The following NRK variants were observed in gnomAD, a reference collection of about 807,000 sequenced individuals.
NRK encodes nik-related protein kinase.
In NRK, 67 loss-of-function variants were observed where a neutral mutation model predicts 125.2. The ratio of observed to expected loss-of-function variants is 0.54; its 90% CI spans 0.44 to 0.66. The LOEUF is 0.66. Among genes scored for constraint, NRK ranks in the 30% least tolerant of loss-of-function variants. The pLI is 0.00. For missense variants in NRK, 1,224 were observed against 1,192.9 expected (o/e 1.03, Z -0.38); for synonymous variants, 458 against 429.0 (o/e 1.07, Z -0.84).
Position 105,958,293 on chromosome X carries a change from C to G in NRK, c.*2693C>G, listed in dbSNP as rs893662264. 2 of 111,847 alleles carry G rather than the reference C, an allele frequency of 1.8e-5. No individual in the cohort carries two copies. The highest frequency in any genetic ancestry group is 1.9e-4 in the Admixed American group (2 of 10,567). The allele number at this position is 111,847 out of a possible 1,213,427, so 9.2% of individuals were successfully genotyped here. On this transcript the variant is annotated 3_prime_UTR_variant, in exon 29 of 29. Coordinates refer to ENST00000243300, the MANE Select transcript of NRK (RefSeq NM_198465.4). ...TAGTAAAACAGGCAAAGCAGAATCA[C>G]ATGTGCACACACACATACACATGTA...
intron 16 of NRK, among the ~76,000 whole-genome samples, chrX:105,920,550 T>A (rs2040428079): frequency 9.1e-6 from 1 of 109,397 alleles, no homozygotes; most frequent in Non-Finnish European, 1.9e-5. Context: ...TCCATTTGTT[T>A]GTATCCTCTT....
At chrX:105,953,702 A>G (rs980316880) in intron 28 of NRK, among the ~76,000 whole-genome samples, 2 of 112,096 alleles carry the variant, frequency 1.8e-5, no homozygotes, top group Non-Finnish European at 3.8e-5. Context: ...AATAAAAATA[A>G]AATCAAGATC....
chrX:105,939,746 GT>G (rs757615204), intron 22 of NRK, 127 bp from the exon 23 acceptor site: 330 of 418,428 alleles, frequency 7.9e-4, no homozygotes, highest in Non-Finnish European at 1.1e-3. Flanking sequence ...ATGCAATGCA[GT>G]TTTTTTTAAG....
intron 23 of NRK, among the ~76,000 whole-genome samples, chrX:105,940,588 C>G (rs913989196): frequency 9.0e-6 from 1 of 111,328 alleles, no homozygotes; most frequent in Non-Finnish European, 1.9e-5. Context: ...AATATAATCA[C>G]TAATTGTTTT....
chrX:105,861,531 A>G (rs190732923), intron 2 of NRK, among the ~76,000 whole-genome samples: 130 of 111,575 alleles, frequency 1.2e-3, no homozygotes, highest in East Asian at 0.011. Flanking sequence ...TAGCTGATCC[A>G]TTTTGAGGTA....
intron 28 of NRK, among the ~76,000 whole-genome samples, chrX:105,953,892 T>G (rs745797328): frequency 9.0e-6 from 1 of 110,667 alleles, no homozygotes; most frequent in African/African-American, 3.3e-5. Context: ...AGGGTTTGAG[T>G]TAATATCAGA....
chrX:105,915,554 G>T (rs936813124), intron 14 of NRK, among the ~76,000 whole-genome samples, 176 bp from the exon 15 acceptor site: 1 of 111,011 alleles, frequency 9.0e-6, no homozygotes, highest in South Asian at 3.7e-4. Flanking sequence ...AGAAATTATG[G>T]TTAAGCAAGT....
intron 5 of NRK, among the ~76,000 whole-genome samples, chrX:105,890,542 G>C (rs1027362189): frequency 8.9e-6 from 1 of 112,517 alleles, no homozygotes; most frequent in South Asian, 3.7e-4. Context: ...ATAAAGGAAA[G>C]AGGTTTAATT....
chrX:105,859,478 A>G (rs1355392816), intron 2 of NRK, among the ~76,000 whole-genome samples: 1 of 111,781 alleles, frequency 8.9e-6, no homozygotes, highest in Non-Finnish European at 1.9e-5. Flanking sequence ...TCTTATGCCA[A>G]TGACTTGCCA....
chrX:105,958,427 C>T lies in NRK; in HGVS notation c.*2827C>T. ...ATTTAGTTCAAACAGTATCCGTAAA[C>T]TAGGAATAATGCCACATGCATTCAA... is the stretch of plus-strand genomic sequence containing the variant. On this transcript the variant is annotated 3_prime_UTR_variant, in exon 29 of 29. Coordinates refer to ENST00000243300, the MANE Select transcript of NRK (RefSeq NM_198465.4). 1 of 112,336 alleles carries T rather than the reference C, an allele frequency of 8.9e-6. No individual in the cohort carries two copies. The highest frequency in any genetic ancestry group is 2.8e-4 in the East Asian group (1 of 3,559). The allele number at this position is 112,336 out of a possible 1,213,427, so 9.3% of individuals were successfully genotyped here.
chrX:105,881,360 A>T (rs2039882358), intron 3 of NRK, among the ~76,000 whole-genome samples: 1 of 111,502 alleles, frequency 9.0e-6, no homozygotes, highest in Non-Finnish European at 1.9e-5. Flanking sequence ...CATACTTTTA[A>T]CCTACATTTC....
intron 9 of NRK, among the ~76,000 whole-genome samples, chrX:105,904,820 T>TA (rs1301574105): frequency 1.8e-5 from 2 of 111,503 alleles, no homozygotes; most frequent in Non-Finnish European, 3.8e-5. Flanking sequence ...CAGATGCTTC[T>TA]AAGCTTTCTA....
Position 105,940,313 on chromosome X carries a change from G to T in NRK, c.3958+281G>T, listed in dbSNP as rs772852289. On this transcript the variant is annotated intron_variant, in intron 23 of 28. Coordinates refer to ENST00000243300, the MANE Select transcript of NRK (RefSeq NM_198465.4). The stretch of plus-strand genomic sequence containing the variant: ...TAAAATAGTTATTGATGTTAGGTTT[G>T]GTTTACCTCCTCACCTTACTTTCTT... Among the ~76,000 whole-genome samples, 3 of 109,617 alleles carry T rather than the reference G, an allele frequency of 2.7e-5. No homozygotes were observed. The South Asian group carries it at 1.2e-3, about 43-fold the overall frequency.
intron 19 of NRK, among the ~76,000 whole-genome samples, chrX:105,925,582 A>G (rs2040513807): frequency 9.0e-6 from 1 of 110,847 alleles, no homozygotes; most frequent in Non-Finnish European, 1.9e-5. Flanking sequence ...GGATCCTTTA[A>G]CCAGCCTTTC....
chrX:105,842,508 CT>C (rs1425888610), intron 2 of NRK, among the ~76,000 whole-genome samples: 1 of 111,951 alleles, frequency 8.9e-6, no homozygotes, highest in East Asian at 2.8e-4. Context: ...AAAGTTAGTG[CT>C]TTGCTTGTAC....
At chrX:105,896,825 A>AG (rs1281163641) in intron 7 of NRK, among the ~76,000 whole-genome samples, 1 of 111,985 alleles carries the variant, frequency 8.9e-6, no homozygotes, top group Non-Finnish European at 1.9e-5. Flanking sequence ...CCTGGGTGGC[A>AG]GAGAGATACC....
chrX:105,848,711 A>G lies in NRK; in HGVS notation c.123+17592A>G, dbSNP rs745331403. Among the ~76,000 whole-genome samples, 126 of 111,646 alleles carry G rather than the reference A, an allele frequency of 1.1e-3. 1 individual carries two copies. Among genetic ancestry groups the G allele is most frequent in the Non-Finnish European group, 2.1e-3 (113 of 53,103 alleles). On this transcript the variant is annotated intron_variant, in intron 2 of 28. Transcript: ENST00000243300. ...TCAGTTCACATCAGCCCCACTTCAC[A>G]TCTCTTTTTCTTATTTCATTTTAAT...
intron 2 of NRK, among the ~76,000 whole-genome samples, chrX:105,874,002 G>T (rs1251463992): frequency 8.9e-6 from 1 of 112,101 alleles, no homozygotes; most frequent in Non-Finnish European, 1.9e-5. Flanking sequence ...ACAGTGATGT[G>T]CTTGATAACT....
At chrX:105,897,477 C>T (rs1307482433) in intron 7 of NRK, among the ~76,000 whole-genome samples, 1 of 111,624 alleles carries the variant, frequency 9.0e-6, no homozygotes, top group Non-Finnish European at 1.9e-5. Context: ...GGTTTCATCT[C>T]GTCTTGGCTT....
Sources: gnomAD v4.1 joint callset for allele counts (sites outside exome capture counted in the v4.1 genomes callset) on GRCh38, gnomAD v4.1.1 for gene constraint, MANE v1.5 for transcripts, NCBI Gene and HGNC (gene_info 2026-07-23, HGNC 2026-07-21) for gene names.